RYR3: variants seen among roughly 807,000 people sequenced by gnomAD.
RYR3 encodes the protein brain ryanodine receptor-calcium release channel.
In RYR3, 207 loss-of-function variants were observed where a neutral mutation model predicts 584.3. The observed-to-expected ratio is 0.35, with a 90% CI of 0.32 to 0.40. The LOEUF (loss-of-function observed/expected upper bound fraction) is 0.40. Ranked by LOEUF, RYR3 falls within the 10% of genes least tolerant of loss-of-function variation. The probability of loss-of-function intolerance (pLI) is 1.00; values close to 1 mark genes in which losing one functional copy is unlikely to be tolerated. For synonymous variants in RYR3, 2,416 were observed against 2,248.5 expected, an observed-to-expected ratio of 1.07 and a Z score of -2.11; for missense variants, 5,616 against 6,089.2, an observed-to-expected ratio of 0.92 and a Z score of 2.59.
chr15:33,384,601 G>GCGCACA (rs1555450728), intron 1 of RYR3, among the ~76,000 whole-genome samples: 1 of 145,318 alleles, frequency 6.9e-6, no homozygotes, highest in Non-Finnish European at 1.5e-5. Flanking sequence ...ATCTATATAT[G>GCGCACA]CACACACACA....
chr15:33,510,567 C>T (rs1567407592), intron 3 of RYR3, among the ~76,000 whole-genome samples: 2 of 151,808 alleles, frequency 1.3e-5, no homozygotes, highest in African/African-American at 2.4e-5. Context: ...AACCCTAAAG[C>T]ACTAAGCATT....
At chr15:33,766,492 A>T (rs1046456122) in intron 60 of RYR3, among the ~76,000 whole-genome samples, 3 of 152,218 alleles carry the variant, frequency 2.0e-5, no homozygotes, top group Non-Finnish European at 2.9e-5. Context: ...AAGCTAGGGA[A>T]ACAGTGAGTA....
At chr15:33,438,557 CT>C (rs1432518834) in intron 1 of RYR3, among the ~76,000 whole-genome samples, 5 of 152,106 alleles carry the variant, frequency 3.3e-5, no homozygotes, top group Non-Finnish European at 7.4e-5. Flanking sequence ...ATTCTTGCTC[CT>C]TTTATCTCCC....
intron 38 of RYR3, among the ~76,000 whole-genome samples, chr15:33,679,960 A>T (rs982917905): frequency 1.3e-5 from 2 of 152,222 alleles, no homozygotes; most frequent in African/African-American, 4.8e-5. Flanking sequence ...TCTGAGTTTT[A>T]TGGAGCTATT....
At chr15:33,759,538 A>G (rs2072218222) in intron 60 of RYR3, among the ~76,000 whole-genome samples, 1 of 152,252 alleles carries the variant, frequency 6.6e-6, no homozygotes, top group Non-Finnish European at 1.5e-5. Context: ...AGCGGAAGAA[A>G]GGAAATCAGA....
At chr15:33,327,479 T>A (rs993408699) in intron 1 of RYR3, among the ~76,000 whole-genome samples, 4 of 152,188 alleles carry the variant, frequency 2.6e-5, no homozygotes, top group African/African-American at 9.7e-5. Context: ...TTATATCTAA[T>A]AGTGAAGAAA....
intron 64 of RYR3, among the ~76,000 whole-genome samples, chr15:33,779,204 A>G (rs2074225841): frequency 6.6e-6 from 1 of 152,106 alleles, no homozygotes; most frequent in African/African-American, 2.4e-5. Context: ...AAGACCAGTT[A>G]AGATCACAAT....
At chr15:33,482,582 G>C (rs933866456) in intron 2 of RYR3, among the ~76,000 whole-genome samples, 2 of 152,076 alleles carry the variant, frequency 1.3e-5, no homozygotes, top group African/African-American at 4.8e-5. Flanking sequence ...ACCATGCCTG[G>C]CTAATTTTTG....
intron 20 of RYR3, among the ~76,000 whole-genome samples, chr15:33,626,907 C>G (rs1019174462): frequency 2.0e-5 from 3 of 152,048 alleles, no homozygotes; most frequent in African/African-American, 7.2e-5. Flanking sequence ...CAGAAGTTTG[C>G]TAAACGGGTG....
At chr15:33,452,110 A>G (rs2047181377) in intron 1 of RYR3, among the ~76,000 whole-genome samples, 1 of 152,198 alleles carries the variant, frequency 6.6e-6, no homozygotes, top group Admixed American at 6.5e-5. Context: ...TGCCTCTTTC[A>G]GAATTAAAAT....
intron 103 of RYR3, 181 bp from the exon 104 acceptor site, chr15:33,864,950 A>G: frequency 1.8e-6 from 1 of 550,438 alleles, no homozygotes; most frequent in Middle Eastern, 4.8e-4. Context: ...TGTCAGAGAG[A>G]CATGGCTTCT....
chr15:33,837,651 A>C lies in RYR3; in HGVS notation c.11671A>C (p.Ile3891Leu). ...LLEGNVVNGT[I>L]GKQMVDTLVE... ...CACAGGGAATGTGGTAAATGGCACC[A>C]TTGGCAAGCAGATGGTTGACACACT... Residue 3891 changes from isoleucine to leucine, a missense_variant, in exon 89 of 104, where the codon ATT becomes CTT. By Grantham distance (5) the Ile-to-Leu change is conservative. Coordinates refer to ENST00000634891, the MANE Select transcript of RYR3 (RefSeq NM_001036.6). The C allele has an allele frequency of 6.3e-7, 1 of 1,596,372 alleles. No homozygotes were observed. Among genetic ancestry groups the C allele is most frequent in the Middle Eastern group, 1.7e-4 (1 of 6,004 alleles).
At chr15:33,372,838 A>C (rs1427058441) in intron 1 of RYR3, among the ~76,000 whole-genome samples, 1 of 152,160 alleles carries the variant, frequency 6.6e-6, no homozygotes, top group Non-Finnish European at 1.5e-5. Context: ...GCTTCACTCA[A>C]GTTTCAGCTG....
At chr15:33,724,914 C>G (rs953668146) in intron 45 of RYR3, among the ~76,000 whole-genome samples, 1 of 152,032 alleles carries the variant, frequency 6.6e-6, no homozygotes, top group Non-Finnish European at 1.5e-5. Context: ...TAAGTAAATG[C>G]AGGAAACCTG....
intron 38 of RYR3, among the ~76,000 whole-genome samples, chr15:33,671,643 A>G (rs561627990): frequency 6.6e-6 from 1 of 152,048 alleles, no homozygotes. Context: ...TTTTGTGAGG[A>G]TGTGCCAGCA....
At chr15:33,353,600 C>T (rs1973567971) in intron 1 of RYR3, among the ~76,000 whole-genome samples, 1 of 152,196 alleles carries the variant, frequency 6.6e-6, no homozygotes, top group Admixed American at 6.5e-5. Flanking sequence ...CTAGAAACCC[C>T]ATCTGGAATG....
intron 1 of RYR3, among the ~76,000 whole-genome samples, chr15:33,425,803 G>C (rs4780117): frequency 6.6e-6 from 1 of 151,218 alleles, no homozygotes; most frequent in Non-Finnish European, 1.5e-5. Flanking sequence ...CACCACACCC[G>C]GCTAATTTTT....
chr15:33,857,994 G>T, intron 99 of RYR3, 80 bp downstream of exon 99: 1 of 1,567,132 alleles, frequency 6.4e-7, no homozygotes, highest in Non-Finnish European at 8.7e-7. Context: ...AAGAAGGGCT[G>T]TGTGGGGGTG....
At chr15:33,323,074 C>G (rs1001290826) in intron 1 of RYR3, among the ~76,000 whole-genome samples, 1 of 151,620 alleles carries the variant, frequency 6.6e-6, no homozygotes, top group East Asian at 2.0e-4. Context: ...GGCATATTTT[C>G]TCTTCCGTGC....
Sources: gnomAD v4.1 joint callset for allele counts (sites outside exome capture counted in the v4.1 genomes callset) on GRCh38, gnomAD v4.1.1 for gene constraint, MANE v1.5 for transcripts, NCBI Gene and HGNC (gene_info 2026-07-23, HGNC 2026-07-21) for gene names.